CAB39: variants seen among roughly 807,000 people sequenced by gnomAD.
CAB39 encodes the protein calcium-binding protein 39.
In CAB39, 8 loss-of-function variants were observed where a neutral mutation model predicts 40.0. The ratio of observed to expected loss-of-function variants is 0.20; its 90% CI spans 0.12 to 0.36. The LOEUF is 0.36. Among genes scored for constraint, CAB39 ranks in the 10% least tolerant of loss-of-function variants. CAB39 has a pLI of 1.00. For missense variants in CAB39, 270 were observed against 401.1 expected, an observed-to-expected ratio of 0.67 and a Z score of 2.79; for synonymous variants, 156 against 141.6, an observed-to-expected ratio of 1.10 and a Z score of -0.72.
At chr2:230,729,807 G>A (rs1460415750) in intron 1 of CAB39, among the ~76,000 whole-genome samples, 1 of 151,748 alleles carries the variant, frequency 6.6e-6, no homozygotes, top group South Asian at 2.1e-4. Flanking sequence ...ATAATTGGTA[G>A]CACTTGGCTA....
intron 1 of CAB39, among the ~76,000 whole-genome samples, chr2:230,717,313 A>G (rs1185641998): frequency 6.6e-6 from 1 of 152,222 alleles, no homozygotes; most frequent in African/African-American, 2.4e-5. Flanking sequence ...CAATTTAGTC[A>G]TCAGTATCTT....
In CAB39 at chr2:230,810,279, A is replaced by G; in HGVS notation, c.584A>G (p.His195Arg). The G allele has an allele frequency of 1.4e-6, 2 of 1,451,518 alleles. No homozygotes were observed. Among genetic ancestry groups the G allele is most frequent in the Non-Finnish European group, 1.9e-6 (2 of 1,059,372 alleles). 89.9% of individuals were successfully genotyped at this position (1,451,518 alleles called of 1,614,324 possible). ...FATFKDLLTR[H>R]KLLSAEFLEQ... ...TTTTTGTAGGATTTACTTACAAGACATAAATTGCTCAGTGCAGAATTTTTG... is the reference window on the plus strand; with the variant it reads ...TTTTTGTAGGATTTACTTACAAGACGTAAATTGCTCAGTGCAGAATTTTTG... Residue 195 changes from histidine (H) to arginine (R), a missense_variant, in exon 6 of 9, where the codon CAT becomes CGT. His to Arg is a conservative substitution (Grantham distance 29). Transcript: ENST00000258418.
chr2:230,798,637 T>C (rs1696032283), intron 4 of CAB39, 92 bp from the exon 5 acceptor site: 6 of 1,052,634 alleles, frequency 5.7e-6, no homozygotes, highest in Admixed American at 2.6e-5. Context: ...GTCTGAAAAC[T>C]GTCTTTGGCC....
At chr2:230,790,026 C>T (rs777136164) in intron 2 of CAB39, among the ~76,000 whole-genome samples, 3 of 152,038 alleles carry the variant, frequency 2.0e-5, no homozygotes, top group Non-Finnish European at 4.4e-5. Flanking sequence ...GAGTTTGAGA[C>T]CAGCCTGAGC....
At chr2:230,746,338 G>A (rs956114649) in intron 1 of CAB39, among the ~76,000 whole-genome samples, 1 of 152,154 alleles carries the variant, frequency 6.6e-6, no homozygotes, top group Non-Finnish European at 1.5e-5. Context: ...CATTGGGTTA[G>A]GGAGTACACA....
intron 5 of CAB39, among the ~76,000 whole-genome samples, chr2:230,808,973 C>G (rs1427448217): frequency 6.6e-6 from 1 of 152,162 alleles, no homozygotes; most frequent in Non-Finnish European, 1.5e-5. Context: ...ATTTATGGAA[C>G]TTACAGTGTA....
At chr2:230,785,179 A>G (rs7601602) in intron 2 of CAB39, among the ~76,000 whole-genome samples, 22,136 of 152,112 alleles carry the variant, frequency 0.15, 2,382 homozygotes, top group African/African-American at 0.31. Flanking sequence ...ACTTTTCATA[A>G]TCTTTGAAAA....
intron 7 of CAB39, among the ~76,000 whole-genome samples, chr2:230,815,962 C>G (rs750250912): frequency 6.6e-6 from 1 of 152,302 alleles, no homozygotes; most frequent in South Asian, 2.1e-4. Context: ...GCAAGACTCC[C>G]AAGTTTTTTA....
Position 230,774,284 on chromosome 2 carries a change from A to G in CAB39, c.114+14169A>G, listed in dbSNP as rs531913182. Among the ~76,000 whole-genome samples the G allele has an allele frequency of 7.4e-4, 112 of 152,114 alleles. 2 individuals carry two copies. In the South Asian group the frequency reaches 0.022, roughly 30 times the overall value. Reference sequence around the variant, plus strand: ...ATAACATTTGAGTGTTTATTCCTTTATTTGTTATATGTTGGTATTTGTATT... The same window carrying G: ...ATAACATTTGAGTGTTTATTCCTTTGTTTGTTATATGTTGGTATTTGTATT... On this transcript the variant is annotated intron_variant, in intron 2 of 8. Transcript: ENST00000258418.
chr2:230,769,535 T>C (rs1157523020), intron 2 of CAB39, among the ~76,000 whole-genome samples: 2 of 152,168 alleles, frequency 1.3e-5, no homozygotes, highest in Admixed American at 1.3e-4. Flanking sequence ...CTCAGTACAT[T>C]TTAAAGGATA....
chr2:230,727,798 G>A (rs1694613605), intron 1 of CAB39, among the ~76,000 whole-genome samples: 1 of 151,982 alleles, frequency 6.6e-6, no homozygotes, highest in Non-Finnish European at 1.5e-5. Context: ...GACCCAGTTA[G>A]CATAGAAATT....
intron 1 of CAB39, among the ~76,000 whole-genome samples, chr2:230,735,418 C>T (rs1380319248): frequency 1.3e-5 from 2 of 152,120 alleles, no homozygotes; most frequent in Admixed American, 6.5e-5. Context: ...CCGTCCGCCT[C>T]GGCCTCCCAA....
intron 1 of CAB39, among the ~76,000 whole-genome samples, chr2:230,749,206 A>G (rs1188313581): frequency 6.6e-6 from 1 of 151,956 alleles, no homozygotes; most frequent in Non-Finnish European, 1.5e-5. Context: ...ATGTTAATGC[A>G]TTGTAATCAT....
intron 6 of CAB39, among the ~76,000 whole-genome samples, chr2:230,813,384 G>C (rs937450362): frequency 6.6e-6 from 1 of 152,074 alleles, no homozygotes; most frequent in Non-Finnish European, 1.5e-5. Context: ...TCTCCCCGGG[G>C]CTTCATTCAT....
intron 5 of CAB39, among the ~76,000 whole-genome samples, chr2:230,805,888 T>C (rs914812667): frequency 1.1e-4 from 16 of 152,208 alleles, no homozygotes; most frequent in Non-Finnish European, 1.6e-4. Flanking sequence ...CAGCTGAACG[T>C]TTTTATTAGT....
rs756449130 is a variant in CAB39 at position 230,760,112 on chromosome 2, A to C, written c.111A>C (p.Glu37Asp). The C allele has an allele frequency of 1.9e-6, 3 of 1,587,406 alleles. No individual in the cohort carries two copies. In the East Asian group the frequency reaches 6.7e-5, roughly 36 times the overall value. The change falls in exon 2 of 9, where the codon GAA (glutamate) becomes GAC (aspartate). Residue 37 changes from glutamate (E) to aspartate (D), a missense_variant. Glu to Asp is a conservative substitution (Grantham distance 45, BLOSUM62 2). Transcript: ENST00000258418. Reference protein sequence around the residue: ...EKQDISDKKAEKATEEVSKNL... With the variant: ...EKQDISDKKADKATEEVSKNL... ...AAGACATTTCTGATAAAAAAGCAGA[A>C]AAGGTATGGATTTGGCTTTATTTAT...
intron 2 of CAB39, among the ~76,000 whole-genome samples, chr2:230,787,270 T>G (rs573968343): frequency 6.6e-6 from 1 of 152,228 alleles, no homozygotes; most frequent in African/African-American, 2.4e-5. Context: ...AGATCATTAC[T>G]GAAAGGAGCA....
chr2:230,785,126 T>C (rs1695766407), intron 2 of CAB39, among the ~76,000 whole-genome samples: 1 of 152,148 alleles, frequency 6.6e-6, no homozygotes, highest in South Asian at 2.1e-4. Flanking sequence ...TACATACATA[T>C]ACACACTAAT....
At chr2:230,732,470 C>G (rs1694711368) in intron 1 of CAB39, among the ~76,000 whole-genome samples, 1 of 152,266 alleles carries the variant, frequency 6.6e-6, no homozygotes, top group Non-Finnish European at 1.5e-5. Context: ...CATCTTCTAC[C>G]TCATCTTTGT....
Sources: allele counts gnomAD v4.1 joint callset (sites outside exome capture counted in the v4.1 genomes callset), GRCh38; gene constraint gnomAD v4.1.1; transcripts MANE v1.5; gene names NCBI Gene and HGNC (gene_info 2026-07-23, HGNC 2026-07-21).